Variants in PCGF5 observed in about 807,000 individuals in gnomAD.
The protein encoded by PCGF5 is polycomb group ring finger 5, also known as polycomb group RING finger protein 5.
In PCGF5, 9 loss-of-function variants were observed where a neutral mutation model predicts 44.3. The observed-to-expected ratio is 0.20, with a 90% CI of 0.12 to 0.35. The LOEUF is 0.35. Among genes scored for constraint, PCGF5 ranks in the 10% least tolerant of loss-of-function variants. PCGF5 has a pLI of 1.00. For missense variants in PCGF5, 146 were observed against 305.3 expected (o/e 0.48, Z 3.89); for synonymous variants, 95 against 102.5 (o/e 0.93, Z 0.44).
At chr10:91,177,537 G>C (rs1418569738) in intron 1 of PCGF5, among the ~76,000 whole-genome samples, 4 of 152,216 alleles carry the variant, frequency 2.6e-5, no homozygotes, top group Non-Finnish European at 5.9e-5. Flanking sequence ...GCCTCCTTGA[G>C]CTGCGGTGGG....
chr10:91,280,020 G>A lies in PCGF5; in HGVS notation c.*1704G>A, dbSNP rs1400291230. On this transcript the variant is annotated 3_prime_UTR_variant, in exon 10 of 10. Transcript: ENST00000336126. The stretch of plus-strand genomic sequence containing the variant: ...TTTTTCTGTTGTTGTTCCAACTTTG[G>A]TGAAAAAGGTTATGGCAATACTTTA... The A allele has an allele frequency of 6.6e-6, 1 of 151,718 alleles. No individual in the cohort carries two copies. The highest frequency in any genetic ancestry group is 6.6e-5 in the Admixed American group (1 of 15,244). The allele number at this position is 151,718 out of a possible 1,614,324, so 9.4% of individuals were successfully genotyped here.
chr10:91,228,976 A>G (rs1844926942), intron 2 of PCGF5, among the ~76,000 whole-genome samples: 1 of 152,338 alleles, frequency 6.6e-6, no homozygotes, highest in South Asian at 2.1e-4. Flanking sequence ...TCAGACATTT[A>G]TAATACTAGC....
At chr10:91,157,473 G>A in the PCGF5 span, among the ~76,000 whole-genome samples, 1 of 152,082 alleles carries the variant, frequency 6.6e-6, no homozygotes, top group African/African-American at 2.4e-5. Flanking sequence ...TCTTCTGCTG[G>A]GTTCACTCTG....
At position 91,255,444 on chromosome 10, in the gene PCGF5, G is replaced by T. The variant is rs76755264; in HGVS notation, c.474+4004G>T. The stretch of plus-strand genomic sequence containing the variant: ...CTCACCTCTGCCTCACCTTGAGGTG[G>T]TCTGCACGAGTAGGAAGTGAAGACT... On this transcript the variant is annotated intron_variant, in intron 6 of 9. Coordinates refer to ENST00000336126, the MANE Select transcript of PCGF5 (RefSeq NM_032373.5). Among the ~76,000 whole-genome samples, 696 of 152,160 alleles carry T rather than the reference G, an allele frequency of 4.6e-3. 4 individuals are homozygous for T. Among genetic ancestry groups the T allele is most frequent in the African/African-American group, 0.016 (658 of 41,544 alleles).
intron 5 of PCGF5, among the ~76,000 whole-genome samples, chr10:91,249,702 A>C (rs1564649242): frequency 6.6e-6 from 1 of 151,852 alleles, no homozygotes; most frequent in Non-Finnish European, 1.5e-5. Flanking sequence ...TAACTGTGCA[A>C]GGCTGTTAGA....
chr10:91,231,937 G>A (rs1845015961), intron 2 of PCGF5, among the ~76,000 whole-genome samples: 1 of 152,174 alleles, frequency 6.6e-6, no homozygotes, highest in Non-Finnish European at 1.5e-5. Context: ...CGGAATGTAA[G>A]TTATAACATA....
intron 9 of PCGF5, among the ~76,000 whole-genome samples, chr10:91,277,075 C>A (rs1363280621): frequency 1.3e-5 from 2 of 152,136 alleles, no homozygotes; most frequent in Non-Finnish European, 2.9e-5. Context: ...TTACTCCAGC[C>A]CTTAGACAGC....
intron 1 of PCGF5, among the ~76,000 whole-genome samples, chr10:91,201,348 C>A (rs1013726224): frequency 3.3e-5 from 5 of 152,038 alleles, no homozygotes; most frequent in Non-Finnish European, 7.4e-5. Flanking sequence ...CTATCATGGT[C>A]CCCCCAGTGA....
intron 1 of PCGF5, among the ~76,000 whole-genome samples, chr10:91,196,551 G>A (rs777569591): frequency 1.1e-4 from 16 of 152,192 alleles, no homozygotes; most frequent in Non-Finnish European, 2.4e-4. Context: ...CAGAAATGTT[G>A]TATCTTCAGA....
chr10:91,196,595 AC>A (rs1329048813), intron 1 of PCGF5, among the ~76,000 whole-genome samples: 2 of 151,446 alleles, frequency 1.3e-5, no homozygotes, highest in Non-Finnish European at 2.9e-5. Flanking sequence ...AAAATATCCC[AC>A]CCCATCCCCC....
intron 9 of PCGF5, among the ~76,000 whole-genome samples, chr10:91,274,199 C>A (rs188786919): frequency 2.0e-5 from 3 of 152,142 alleles, no homozygotes; most frequent in African/African-American, 7.2e-5. Context: ...AAATGTAATT[C>A]CAAACACACT....
chr10:91,212,624 T>C (rs1017642923), intron 1 of PCGF5, among the ~76,000 whole-genome samples: 2 of 152,194 alleles, frequency 1.3e-5, no homozygotes, highest in Admixed American at 6.5e-5. Flanking sequence ...AAAATAACTA[T>C]GAATATCCCT....
chr10:91,256,552 A>T (rs1845757326), intron 6 of PCGF5, among the ~76,000 whole-genome samples: 2 of 152,096 alleles, frequency 1.3e-5, no homozygotes, highest in Non-Finnish European at 2.9e-5. Context: ...GCCCCTAAAA[A>T]CCAACCAAAT....
At chr10:91,257,476 T>C in intron 6 of PCGF5, among the ~76,000 whole-genome samples, 1 of 148,422 alleles carries the variant, frequency 6.7e-6, no homozygotes, top group East Asian at 1.9e-4. Context: ...CTGTGGAGCA[T>C]ATGTTCCAAG....
At chr10:91,191,754 C>T (rs1783143091) in intron 1 of PCGF5, among the ~76,000 whole-genome samples, 1 of 152,162 alleles carries the variant, frequency 6.6e-6, no homozygotes, top group African/African-American at 2.4e-5. Flanking sequence ...GAACACTCCA[C>T]CCAAAATGAG....
At chr10:91,208,975 G>A (rs1844399210) in intron 1 of PCGF5, among the ~76,000 whole-genome samples, 1 of 152,182 alleles carries the variant, frequency 6.6e-6, no homozygotes, top group Non-Finnish European at 1.5e-5. Context: ...GCCATTGGTA[G>A]GTTTCAGTGG....
upstream of PCGF5, chr10:91,220,576 C>CG (rs1564637409): frequency 6.7e-6 from 1 of 148,816 alleles, no homozygotes; most frequent in Non-Finnish European, 1.5e-5. Context: ...GGCCGGGCGG[C>CG]GGGGCGGGCG....
At chr10:91,178,243 T>C (rs1381072592) in intron 1 of PCGF5, among the ~76,000 whole-genome samples, 1 of 152,190 alleles carries the variant, frequency 6.6e-6, no homozygotes, top group Non-Finnish European at 1.5e-5. Context: ...CAATAATGTC[T>C]AAAATTAATA....
At chr10:91,235,297 A>G (rs1431460811) in intron 2 of PCGF5, among the ~76,000 whole-genome samples, 1 of 152,206 alleles carries the variant, frequency 6.6e-6, no homozygotes, top group Non-Finnish European at 1.5e-5. Context: ...ACTGCTTTAG[A>G]TGATGCAGTG....
Sources: allele counts gnomAD v4.1 joint callset (sites outside exome capture counted in the v4.1 genomes callset), GRCh38; gene constraint gnomAD v4.1.1; transcripts MANE v1.5; gene names NCBI Gene and HGNC (gene_info 2026-07-23, HGNC 2026-07-21).